The following NFKBIB variants were observed in gnomAD, a reference collection of about 807,000 sequenced individuals.
NFKBIB encodes NF-kappa-B inhibitor beta.
A neutral mutation model predicts 32.1 loss-of-function variants in NFKBIB; 16 were observed. The observed-to-expected ratio is 0.50, with a 90% CI of 0.34 to 0.76. The LOEUF (loss-of-function observed/expected upper bound fraction) is 0.76. Ranked by LOEUF, NFKBIB falls within the 30% of genes least tolerant of loss-of-function variation. The pLI is 0.01. For synonymous variants in NFKBIB, 222 were observed against 219.5 expected, an observed-to-expected ratio of 1.01 and a Z score of -0.10; for missense variants, 437 against 514.9, an observed-to-expected ratio of 0.85 and a Z score of 1.46.
Position 38,905,805 on chromosome 19 carries a change from G to A in NFKBIB, c.619+270G>A, listed in dbSNP as rs146276752. On this transcript the variant is annotated intron_variant, in intron 3 of 5. Coordinates refer to ENST00000313582, the MANE Select transcript of NFKBIB (RefSeq NM_002503.5). The surrounding 1 kb of genome is among the most constrained non-coding windows in gnomAD (Gnocchi z 5.5). Reference sequence around the variant, plus strand: ...CCAGAGCTGCCAGGATCCAGTTGTCGGGCCCCCGGGCTCCCCACCTGCAGA... The same window carrying A: ...CCAGAGCTGCCAGGATCCAGTTGTCAGGCCCCCGGGCTCCCCACCTGCAGA... Among the ~76,000 whole-genome samples the A allele has an allele frequency of 2.4e-3, 361 of 152,028 alleles. 5 individuals are homozygous for A. The highest frequency in any genetic ancestry group is 8.3e-3 in the African/African-American group (344 of 41,428).
At chr19:38,902,952 G>A (rs1403818371) in intron 1 of NFKBIB, among the ~76,000 whole-genome samples, 3 of 152,108 alleles carry the variant, frequency 2.0e-5, no homozygotes, top group African/African-American at 7.2e-5. Context: ...GCGAGCGCCT[G>A]TAATCCCAGC....
intron 5 of NFKBIB, chr19:38,908,478 G>A (rs1203253931): frequency 5.6e-6 from 6 of 1,077,454 alleles, no homozygotes; most frequent in South Asian, 3.7e-5. Context: ...GGTGGAGGTT[G>A]CAGTGAACCT....
intron 3 of NFKBIB, among the ~76,000 whole-genome samples, chr19:38,906,131 C>A (rs976021996): frequency 1.2e-4 from 12 of 97,382 alleles, no homozygotes; most frequent in Admixed American, 1.1e-3. Context: ...TACTTGGTAC[C>A]TTTTTTTTTT....
intron 1 of NFKBIB, among the ~76,000 whole-genome samples, chr19:38,902,122 C>T (rs1973989020): frequency 8.7e-6 from 1 of 114,842 alleles, no homozygotes; most frequent in Non-Finnish European, 1.7e-5. Flanking sequence ...GCTCTGTCAC[C>T]CAGGCTGGAG....
At chr19:38,908,642 C>T (rs188557782) in intron 5 of NFKBIB, 89 bp from the exon 6 acceptor site, 3 of 1,467,102 alleles carry the variant, frequency 2.0e-6, no homozygotes, top group Non-Finnish European at 1.8e-6. Context: ...TGAGGCGAGA[C>T]CTAATTCTTA....
chr19:38,900,933 A>T (rs1402948698), intron 1 of NFKBIB, among the ~76,000 whole-genome samples: 1 of 152,272 alleles, frequency 6.6e-6, no homozygotes, highest in Non-Finnish European at 1.5e-5. Flanking sequence ...ATGGAAAGAC[A>T]GGAAGAAACA....
In NFKBIB at chr19:38,901,829, C is replaced by T. The variant is rs533678761; in HGVS notation, c.179+1618C>T. On this transcript the variant is annotated intron_variant, in intron 1 of 5. Coordinates refer to ENST00000313582, the MANE Select transcript of NFKBIB (RefSeq NM_002503.5). ...CTCTTGAGCTCAAGCATTCTTCCCACCTTGGCCTCCCAAAGTGCTGGGTTA... is the reference window on the plus strand; with the variant it reads ...CTCTTGAGCTCAAGCATTCTTCCCATCTTGGCCTCCCAAAGTGCTGGGTTA... Among the ~76,000 whole-genome samples the T allele has an allele frequency of 2.6e-5, 4 of 152,198 alleles. No individual in the cohort carries two copies. In the South Asian group the frequency reaches 8.3e-4, roughly 32 times the overall value.
intron 1 of NFKBIB, among the ~76,000 whole-genome samples, chr19:38,904,083 T>A (rs1051027208): frequency 5.1e-5 from 7 of 137,652 alleles, no homozygotes; most frequent in African/African-American, 1.3e-4. Context: ...AAATAAAAAT[T>A]AAAATAAATA....
At chr19:38,901,317 AC>A (rs1407727011) in intron 1 of NFKBIB, among the ~76,000 whole-genome samples, 2 of 151,688 alleles carry the variant, frequency 1.3e-5, no homozygotes, top group Non-Finnish European at 2.9e-5. Flanking sequence ...TTTTTTTGAA[AC>A]GAAGTCTCAC....
In NFKBIB at chr19:38,908,795, C is replaced by A; in HGVS notation, c.1034C>A (p.Ala345Asp). 1 of 1,613,678 alleles carries A rather than the reference C, an allele frequency of 6.2e-7. No individual in the cohort carries two copies. Among genetic ancestry groups the A allele is most frequent in the South Asian group, 1.1e-5 (1 of 91,036 alleles). ...RSQTRLPPTP[A>D]SKPLPDDPRP... is the part of the protein sequence containing the mutation. ...CAAACCCGGCTGCCTCCCACCCCAG[C>A]CTCAAAACCTCTTCCTGACGACCCC... Residue 345 changes from alanine (A) to aspartate (D), a missense_variant, in exon 6 of 6, where the codon GCC (alanine) becomes GAC (aspartate). Physicochemically the swap from Ala to Asp is moderately radical, Grantham distance 126 (BLOSUM62 -2). Coordinates refer to ENST00000313582, the MANE Select transcript of NFKBIB (RefSeq NM_002503.5).
At chr19:38,901,304 T>C (rs1465255618) in intron 1 of NFKBIB, among the ~76,000 whole-genome samples, 1 of 149,692 alleles carries the variant, frequency 6.7e-6, no homozygotes. Context: ...CTGTTCTGAC[T>C]TTTTTTTTTG....
rs1374694774 is a variant in NFKBIB, at chr19:38,906,469, T to G, written c.620-752T>G. Among the ~76,000 whole-genome samples, 8 of 128,948 alleles carry G rather than the reference T, an allele frequency of 6.2e-5. 1 individual carries two copies. The South Asian group carries it at 1.8e-3, about 30-fold the overall frequency. 84.6% of individuals were successfully genotyped at this position (128,948 alleles called of 152,430 possible). On this transcript the variant is annotated intron_variant, in intron 3 of 5. Coordinates refer to ENST00000313582, the MANE Select transcript of NFKBIB (RefSeq NM_002503.5). ...TGGGCAGGAACCTTAATTTAAGGTTTTTTTTTTTTTTTTTTTTTGACATGG... is the reference window on the plus strand; with the variant it reads ...TGGGCAGGAACCTTAATTTAAGGTTGTTTTTTTTTTTTTTTTTTGACATGG...
At chr19:38,902,250 T>G (rs1250144345) in intron 1 of NFKBIB, among the ~76,000 whole-genome samples, 1 of 151,960 alleles carries the variant, frequency 6.6e-6, no homozygotes, top group Non-Finnish European at 1.5e-5. Flanking sequence ...CTGGCTAATT[T>G]TTTTTGTATT....
chr19:38,907,930 A>G (rs1974195802), intron 5 of NFKBIB: 1 of 1,290,508 alleles, frequency 7.7e-7, no homozygotes, highest in Non-Finnish European at 9.8e-7. Flanking sequence ...ATTGGTGAAC[A>G]CAGCGGGGGT....
intron 1 of NFKBIB, among the ~76,000 whole-genome samples, chr19:38,900,796 C>T (rs761903001): frequency 6.6e-6 from 1 of 152,178 alleles, no homozygotes; most frequent in Non-Finnish European, 1.5e-5. Flanking sequence ...TTACCACGTT[C>T]CAGGCTCCGT....
At chr19:38,908,666 G>A (rs1168808158) in intron 5 of NFKBIB, 65 bp from the exon 6 acceptor site, 86 of 1,554,756 alleles carry the variant, frequency 5.5e-5, no homozygotes, top group South Asian at 1.4e-4. Context: ...TGCTCTATGA[G>A]GACATGGGTG....
Position 38,900,133 on chromosome 19 carries a change from C to A in NFKBIB, c.101C>A (p.Pro34His), listed in dbSNP as rs760467102. 41 of 1,593,362 alleles carry A rather than the reference C, an allele frequency of 2.6e-5. No homozygotes were observed. The highest frequency in any genetic ancestry group is 1.9e-5 in the Non-Finnish European group (22 of 1,173,134). The change falls in exon 1 of 6, where the codon CCT (proline) becomes CAT (histidine). Residue 34 changes from proline (P) to histidine (H), a missense_variant. Coordinates refer to ENST00000313582, the MANE Select transcript of NFKBIB (RefSeq NM_002503.5). Reference protein sequence around the residue: ...LGPDAAAPGGPGLGAELGPGL... With the variant: ...LGPDAAAPGGHGLGAELGPGL... ...CCGGACGCAGCGGCCCCCGGAGGAC[C>A]TGGGTTGGGCGCGGAGTTGGGCCCG... is the stretch of plus-strand genomic sequence containing the variant.
At chr19:38,902,549 G>T (rs911456002) in intron 1 of NFKBIB, among the ~76,000 whole-genome samples, 3 of 69,872 alleles carry the variant, frequency 4.3e-5, no homozygotes, top group Admixed American at 1.9e-4. Context: ...AAAATCAAAA[G>T]AATAATAATA....
At chr19:38,899,815 C>T (rs906749223), upstream of NFKBIB, 1 of 693,274 alleles carries the variant, frequency 1.4e-6, no homozygotes, top group Non-Finnish European at 2.4e-6. Context: ...AAAGGGCGCC[C>T]GGAAAATGTG....
Sources: allele counts gnomAD v4.1 joint callset (sites outside exome capture counted in the v4.1 genomes callset), GRCh38; gene constraint gnomAD v4.1.1; non-coding constraint Gnocchi (gnomAD v3.1); transcripts MANE v1.5; gene names NCBI Gene and HGNC (gene_info 2026-07-23, HGNC 2026-07-21).